The following PODXL variants were observed in gnomAD, a reference collection of about 807,000 sequenced individuals.
PODXL encodes the protein podocalyxin.
PODXL carries 20 observed loss-of-function variants against 48.9 expected under a neutral mutation model. The observed-to-expected ratio is 0.41, with a 90% CI of 0.29 to 0.59. PODXL has a LOEUF of 0.59. PODXL is among the 20% of genes least tolerant of loss of function. The pLI is 0.31. For missense variants in PODXL, 606 were observed against 675.1 expected (o/e 0.90, Z 1.13); for synonymous variants, 295 against 287.4 (o/e 1.03, Z -0.27).
rs1797739821 is a variant in PODXL at position 131,503,234 on chromosome 7, A to C, written c.*1077T>G. 1 of 152,720 alleles carries C rather than the reference A, an allele frequency of 6.5e-6. No homozygotes were observed. Among genetic ancestry groups the C allele is most frequent in the Non-Finnish European group, 1.5e-5 (1 of 68,098 alleles). 9.5% of individuals were successfully genotyped at this position (152,720 alleles called of 1,614,324 possible). A position where few individuals can be genotyped will look rare whatever the true frequency, so the allele number is the denominator to read the frequency against. On this transcript the variant is annotated 3_prime_UTR_variant, in exon 9 of 9. Transcript: ENST00000378555. The stretch of plus-strand genomic sequence containing the variant: ...GCTTTAATGGATTGTCTCTGAAGAC[A>C]CATCGCTGATGGGGGGCCCCGGGAA...
At chr7:131,540,431 A>C (rs1221536363) in intron 1 of PODXL, among the ~76,000 whole-genome samples, 1 of 151,326 alleles carries the variant, frequency 6.6e-6, no homozygotes, top group Non-Finnish European at 1.5e-5. Context: ...TTCTAACCCA[A>C]CTGTCTCGGG....
chr7:131,521,481 A>G (rs1798091490), intron 1 of PODXL, among the ~76,000 whole-genome samples: 1 of 151,942 alleles, frequency 6.6e-6, no homozygotes, highest in Non-Finnish European at 1.5e-5. Context: ...GGCTGGGATT[A>G]TAGGCATGCA....
intron 1 of PODXL, among the ~76,000 whole-genome samples, chr7:131,544,884 C>G (rs1798547363): frequency 6.6e-6 from 1 of 152,142 alleles, no homozygotes; most frequent in Non-Finnish European, 1.5e-5. Context: ...TGGATGAGAC[C>G]CATGCACTCA....
At chr7:131,535,758 C>T (rs750105377) in intron 1 of PODXL, among the ~76,000 whole-genome samples, 10 of 152,036 alleles carry the variant, frequency 6.6e-5, no homozygotes, top group Admixed American at 6.6e-5. Flanking sequence ...GGGGCTAGGC[C>T]TATTTTTGTT....
Position 131,511,272 on chromosome 7 carries a change from C to T in PODXL, c.262G>A (p.Asp88Asn), listed in dbSNP as rs1158869567. ...GCCAGGGTTGTAGTCCCCGGTGAGT[C>T]ACTGGATACACCAAGGGTGGTCGCC... ...VKATTLGVSS[D>N]SPGTTTLAQQ... Residue 88 changes from aspartate to asparagine, a missense_variant, in exon 2 of 9, where the codon GAC becomes AAC. By Grantham distance (23) the Asp-to-Asn change is conservative. Transcript: ENST00000378555. 2 of 1,613,912 alleles carry T rather than the reference C, an allele frequency of 1.2e-6. No homozygotes were observed. Among genetic ancestry groups the T allele is most frequent in the Non-Finnish European group, 8.5e-7 (1 of 1,179,990 alleles).
intron 1 of PODXL, among the ~76,000 whole-genome samples, chr7:131,542,512 C>G (rs564350489): frequency 4.5e-4 from 69 of 152,088 alleles, no homozygotes; most frequent in Non-Finnish European, 7.5e-4. Context: ...TTAAAATTAG[C>G]AAGGCATGGT....
chr7:131,517,524 T>C (rs1408970495), intron 1 of PODXL, among the ~76,000 whole-genome samples: 1 of 152,186 alleles, frequency 6.6e-6, no homozygotes, highest in Non-Finnish European at 1.5e-5. Flanking sequence ...CATGGCTGCG[T>C]TAACAAATGA....
Position 131,504,505 on chromosome 7 carries a change from G to A in PODXL, c.1483C>T (p.Arg495Trp), listed in dbSNP as rs375122245. Residue 495 changes from arginine to tryptophan, a missense_variant, in exon 9 of 9, where the codon CGG becomes TGG. Arg to Trp is a moderately radical substitution (Grantham distance 101, BLOSUM62 -3). Transcript: ENST00000378555. ...QRLSQRKDQQRLTEELQTVEN... is the reference protein window; with the variant it reads ...QRLSQRKDQQWLTEELQTVEN... ...ACTGTCTGCAGCTCCTCTGTTAGCC[G>A]CTGCTAGAGTGGGGAAGGTGACCGG... 30 of 1,613,856 alleles carry A rather than the reference G, an allele frequency of 1.9e-5. No individual in the cohort carries two copies. The highest frequency in any genetic ancestry group is 2.4e-5 in the Non-Finnish European group (28 of 1,179,830).
rs1244797812 is a variant in PODXL at position 131,506,626 on chromosome 7, G to A, written c.1202C>T (p.Ser401Phe). ...GACCACGGTCTGACTTCCTGGAACA[G>A]ATGCCAGCCGTATGCCGCACTTATC... ...AQDKCGIRLA[S>F]VPGSQTVVVK... The change falls in exon 6 of 9, where the codon TCT becomes TTT. Residue 401 changes from serine to phenylalanine, a missense_variant. Coordinates refer to ENST00000378555, the MANE Select transcript of PODXL (RefSeq NM_001018111.3). 2 of 1,614,212 alleles carry A rather than the reference G, an allele frequency of 1.2e-6. No individual in the cohort carries two copies. Among genetic ancestry groups the A allele is most frequent in the African/African-American group, 1.3e-5 (1 of 75,062 alleles).
chr7:131,555,067 G>A (rs1042987505), intron 1 of PODXL, among the ~76,000 whole-genome samples: 1 of 152,206 alleles, frequency 6.6e-6, no homozygotes, highest in Non-Finnish European at 1.5e-5. Flanking sequence ...TGCTCCCTGA[G>A]TGCCAGCGCC....
At chr7:131,527,875 T>G (rs1798212374) in intron 1 of PODXL, among the ~76,000 whole-genome samples, 2 of 151,718 alleles carry the variant, frequency 1.3e-5, no homozygotes, top group South Asian at 4.2e-4. Context: ...AGTAGAGGAT[T>G]TGGCCTTCAC....
Position 131,502,852 on chromosome 7 carries a change from CCT to C in PODXL, c.*1457_*1458del, listed in dbSNP as rs1797730900. On this transcript the variant is annotated 3_prime_UTR_variant, in exon 9 of 9. Coordinates refer to ENST00000378555, the MANE Select transcript of PODXL (RefSeq NM_001018111.3). ...GGGAATAGACATAGCTTTGTGTTCCCCTGAGATGCCACCAGAAACTGCAAGAG... is the reference window on the plus strand; with the variant it reads ...GGGAATAGACATAGCTTTGTGTTCCCGAGATGCCACCAGAAACTGCAAGAG... 1 of 152,718 alleles carries C rather than the reference CCT, an allele frequency of 6.5e-6. No homozygotes were observed. The highest frequency in any genetic ancestry group is 2.4e-5 in the African/African-American group (1 of 41,416). 9.5% of individuals were successfully genotyped at this position (152,718 alleles called of 1,614,324 possible).
chr7:131,506,462 A>G, intron 6 of PODXL, 117 bp downstream of exon 6: 4 of 1,424,432 alleles, frequency 2.8e-6, no homozygotes, highest in Non-Finnish European at 3.9e-6. Context: ...GTGTGGCTTG[A>G]CAGTTCTTAG....
intron 1 of PODXL, chr7:131,520,132 G>A (rs766339586): frequency 1.0e-4 from 23 of 230,442 alleles, no homozygotes; most frequent in Non-Finnish European, 1.7e-4. Flanking sequence ...ACTTGGGTGC[G>A]GTAAAATGGC....
intron 1 of PODXL, among the ~76,000 whole-genome samples, chr7:131,524,033 A>G (rs1469816242): frequency 6.6e-6 from 1 of 152,082 alleles, no homozygotes; most frequent in African/African-American, 2.4e-5. Context: ...TCCTGACCTC[A>G]GGCAATCCAC....
In PODXL at chr7:131,512,954, C is replaced by G. The variant is rs569334712; in HGVS notation, c.101-1521G>C. Among the ~76,000 whole-genome samples, 14 of 145,378 alleles carry G rather than the reference C, an allele frequency of 9.6e-5. No individual in the cohort carries two copies. The South Asian group carries it at 3.0e-3, about 31-fold the overall frequency. The stretch of plus-strand genomic sequence containing the variant: ...AGGTTGCAGTGAGCCAAGATGGCAC[C>G]ACTGCACTTCAGCCTGGGCGACTGA... On this transcript the variant is annotated intron_variant, in intron 1 of 8. Coordinates refer to ENST00000378555, the MANE Select transcript of PODXL (RefSeq NM_001018111.3).
rs1474801131 is a variant in PODXL, at chr7:131,505,869, T to C, written c.1478A>G (p.Gln493Arg). The C allele has an allele frequency of 6.4e-7, 1 of 1,559,476 alleles. No homozygotes were observed. Among genetic ancestry groups the C allele is most frequent in the African/African-American group, 1.4e-5 (1 of 74,062 alleles). ...CHQRLSQRKD[Q>R]QRLTEELQTV... The stretch of plus-strand genomic sequence containing the variant: ...GTGTGGCTGCAAACAGCTGCTTACC[T>C]GGTCCTTCCTCTGGGAGAGGCGCTG... The change falls in exon 8 of 9, where the codon CAG becomes CGG. Residue 493 changes from glutamine to arginine, a missense_variant and splice_region_variant. Transcript: ENST00000378555.
At chr7:131,507,018 T>G in intron 5 of PODXL, 2 of 355,202 alleles carry the variant, frequency 5.6e-6, no homozygotes, top group East Asian at 5.3e-5. Flanking sequence ...TGCCTCTTTT[T>G]TCCCTCCAAG....
At chr7:131,543,918 G>A (rs1798522814) in intron 1 of PODXL, among the ~76,000 whole-genome samples, 2 of 152,118 alleles carry the variant, frequency 1.3e-5, no homozygotes, top group African/African-American at 4.8e-5. Flanking sequence ...TGTCCAGCTG[G>A]GTTCCCTCTG....
Sources: allele counts gnomAD v4.1 joint callset (sites outside exome capture counted in the v4.1 genomes callset), GRCh38; gene constraint gnomAD v4.1.1; transcripts MANE v1.5; gene names NCBI Gene and HGNC (gene_info 2026-07-23, HGNC 2026-07-21).